The following SMAD2 variants were observed in gnomAD, a reference collection of about 807,000 sequenced individuals.
SMAD2 encodes MAD homolog 2.
Under a neutral mutation model 64.4 loss-of-function variants are expected in SMAD2, and 8 were observed. The observed-to-expected ratio is 0.12, with a 90% CI of 0.07 to 0.22. The LOEUF (loss-of-function observed/expected upper bound fraction) is 0.22, where lower values mean the gene tolerates loss of function less well. SMAD2 is among the 10% of genes least tolerant of loss of function. SMAD2 has a pLI of 1.00. For missense variants in SMAD2, 289 were observed against 561.2 expected (o/e 0.51, Z 4.90); for synonymous variants, 203 against 195.8 (o/e 1.04, Z -0.31).
At chr18:47,876,433 G>A (rs570464613) in intron 2 of SMAD2, among the ~76,000 whole-genome samples, 1 of 151,934 alleles carries the variant, frequency 6.6e-6, no homozygotes, top group Non-Finnish European at 1.5e-5. Flanking sequence ...GTTATCTCAC[G>A]CAAAGTCCCA....
intron 2 of SMAD2, among the ~76,000 whole-genome samples, chr18:47,894,370 G>A (rs756145711): frequency 1.3e-5 from 2 of 152,118 alleles, no homozygotes; most frequent in Non-Finnish European, 2.9e-5. Flanking sequence ...CAGACCCTAC[G>A]GCACTTAAAC....
intron 10 of SMAD2, among the ~76,000 whole-genome samples, chr18:47,843,975 T>C (rs1038723560): frequency 2.0e-5 from 3 of 152,102 alleles, no homozygotes; most frequent in Admixed American, 2.0e-4. Flanking sequence ...CAAAAAAAAG[T>C]CTGACCTGAA....
At position 47,810,674 on chromosome 18, in the gene SMAD2, C is replaced by A. The variant is rs1912171620; in HGVS notation, c.*31153G>T. On this transcript the variant is annotated 3_prime_UTR_variant, in exon 11 of 11. Coordinates refer to ENST00000262160, the MANE Select transcript of SMAD2 (RefSeq NM_005901.6). ...TAAAGCCCAGGCATGGTGGCTCATGCCTGTAATCCCAACACGTTGGGAGGC... is the reference window on the plus strand; with the variant it reads ...TAAAGCCCAGGCATGGTGGCTCATGACTGTAATCCCAACACGTTGGGAGGC... 1 of 152,212 alleles carries A rather than the reference C, an allele frequency of 6.6e-6. No individual in the cohort carries two copies. Among genetic ancestry groups the A allele is most frequent in the Admixed American group, 6.5e-5 (1 of 15,282 alleles). 9.4% of individuals were successfully genotyped at this position (152,212 alleles called of 1,614,324 possible). A position where few individuals can be genotyped will look rare whatever the true frequency, so the allele number is the denominator to read the frequency against.
rs1175807546 is a variant in SMAD2, at chr18:47,816,937, A to AT, written c.*24889dup. On this transcript the variant is annotated 3_prime_UTR_variant, in exon 11 of 11. Coordinates refer to ENST00000262160, the MANE Select transcript of SMAD2 (RefSeq NM_005901.6). The stretch of plus-strand genomic sequence containing the variant: ...CCAATACACCCATCTAATTTTTTGT[A>AT]TTTTTAGTAGAGAGGGGGTTTCACT... 1 of 151,878 alleles carries AT rather than the reference A, an allele frequency of 6.6e-6. No homozygotes were observed. Among genetic ancestry groups the AT allele is most frequent in the Admixed American group, 6.6e-5 (1 of 15,228 alleles). 9.4% of individuals were successfully genotyped at this position (151,878 alleles called of 1,614,324 possible).
chr18:47,912,345 T>C (rs1457882881), intron 1 of SMAD2: 1 of 152,206 alleles, frequency 6.6e-6, no homozygotes, highest in African/African-American at 2.4e-5. Context: ...GGGAAAAGGA[T>C]TGAAACACAA....
chr18:47,886,570 C>T (rs889661818), intron 2 of SMAD2, among the ~76,000 whole-genome samples: 239 of 146,806 alleles, frequency 1.6e-3, no homozygotes, highest in African/African-American at 5.2e-3. Context: ...TATATCTATC[C>T]ATCTATCTAT....
In SMAD2 at chr18:47,841,928, G is replaced by A. The variant is rs1236865589; in HGVS notation, c.1303C>T (p.Pro435Ser). The part of the protein sequence containing the change: ...EYRRQTVTST[P>S]CWIELHLNGP... ...TTCAGATGAAGTTCAATCCAGCAAG[G>A]AGTACTTGTTACCGTCTGCCTTCTG... The change falls in exon 11 of 11, where the codon CCT becomes TCT. Residue 435 changes from proline (P) to serine (S), a missense_variant. Pro to Ser is a moderately conservative substitution (Grantham distance 74, BLOSUM62 -1). Around this residue, in one of 6 missense-constraint regions of SMAD2, gnomAD observed 20 missense variants for 82.8 expected, o/e 0.24. Transcript: ENST00000262160. 6.2e-7 allele frequency: 1 copy of A among 1,614,074 alleles called. No individual in the cohort carries two copies. The highest frequency in any genetic ancestry group is 1.7e-5 in the Admixed American group (1 of 60,028).
chr18:47,845,165 G>T, intron 10 of SMAD2, 175 bp downstream of exon 10: 3 of 693,456 alleles, frequency 4.3e-6, no homozygotes, highest in Non-Finnish European at 7.7e-6. Flanking sequence ...CATAATGGCA[G>T]CTCAGTAATT....
Position 47,841,148 on chromosome 18 carries a change from AAAAAAAAAC to A in SMAD2, c.*670_*678del, listed in dbSNP as rs201278324. 0.13 allele frequency: 28,960 copies of A among 228,738 alleles called. 1,933 individuals carry two copies. Among genetic ancestry groups the A allele is most frequent in the Admixed American group, 0.25 (4,424 of 17,422 alleles). 14.2% of individuals were successfully genotyped at this position (228,738 alleles called of 1,614,324 possible). ...CCTTATAATAAGATTTAGCAGTTAAAAAAAAAAACAAAAAAAAACAAAAAACCACAAAAA... is the reference window on the plus strand; with the variant it reads ...CCTTATAATAAGATTTAGCAGTTAAAAAAAAAAAACAAAAAACCACAAAAA... On this transcript the variant is annotated 3_prime_UTR_variant, in exon 11 of 11. Coordinates refer to ENST00000262160, the MANE Select transcript of SMAD2 (RefSeq NM_005901.6).
At position 47,854,320 on chromosome 18, in the gene SMAD2, G is replaced by A. The variant is rs78241000; in HGVS notation, c.731-2993C>T. Among the ~76,000 whole-genome samples, 1,268 of 152,208 alleles carry A rather than the reference G, an allele frequency of 8.3e-3. 9 individuals carry two copies. Among genetic ancestry groups the A allele is most frequent in the Middle Eastern group, 0.031 (9 of 294 alleles). On this transcript the variant is annotated intron_variant, in intron 6 of 10. Transcript: ENST00000262160. ...TCACATATATTTGTAGGATACATTC[G>A]TCAAACCTTTGACAAATTAACAAAT...
intron 2 of SMAD2, among the ~76,000 whole-genome samples, chr18:47,894,756 T>C (rs1568092645): frequency 6.6e-6 from 1 of 152,176 alleles, no homozygotes; most frequent in African/African-American, 2.4e-5. Context: ...AGGAAGTAAG[T>C]AGTTTAAAAG....
At chr18:47,865,270 C>T in intron 5 of SMAD2, 137 bp from the exon 6 acceptor site, 2 of 604,542 alleles carry the variant, frequency 3.3e-6, no homozygotes, top group Middle Eastern at 4.4e-4. Context: ...AGTAATATTG[C>T]ATACTGAGGG....
intron 2 of SMAD2, among the ~76,000 whole-genome samples, chr18:47,889,437 T>TA (rs999210542): frequency 0.016 from 2,357 of 144,772 alleles, 59 homozygotes; most frequent in African/African-American, 0.055. Context: ...GTAAATACTT[T>TA]AAAAAAAAAA....
At chr18:47,894,129 G>C (rs558783895) in intron 2 of SMAD2, among the ~76,000 whole-genome samples, 1 of 152,270 alleles carries the variant, frequency 6.6e-6, no homozygotes, top group East Asian at 1.9e-4. Context: ...TAGTACTGCT[G>C]TACCTCCCTA....
intron 10 of SMAD2, 164 bp downstream of exon 10, chr18:47,845,176 T>C: frequency 1.2e-5 from 9 of 721,588 alleles, no homozygotes; most frequent in Non-Finnish European, 2.2e-5. Flanking sequence ...CTCAGTAATT[T>C]GCAACAGTTT....
intron 6 of SMAD2, among the ~76,000 whole-genome samples, chr18:47,851,775 G>T (rs1229584241): frequency 6.6e-6 from 1 of 151,972 alleles, no homozygotes; most frequent in Non-Finnish European, 1.5e-5. Context: ...ATAACATCGC[G>T]ATCCCACATT....
Position 47,835,995 on chromosome 18 carries a change from A to G in SMAD2, c.*5832T>C. On this transcript the variant is annotated 3_prime_UTR_variant, in exon 11 of 11. Transcript: ENST00000262160. ...ATCAGTGGCATTATTCTTCCAAGGG[A>G]CTCTTATATCTAAGCAATGGTGAAG... is the stretch of plus-strand genomic sequence containing the variant. The G allele has an allele frequency of 4.7e-6, 1 of 211,452 alleles. No individual in the cohort carries two copies. Among genetic ancestry groups the G allele is most frequent in the East Asian group, 7.1e-5 (1 of 14,082 alleles). The allele number at this position is 211,452 out of a possible 1,614,324, so 13.1% of individuals were successfully genotyped here.
intron 3 of SMAD2, among the ~76,000 whole-genome samples, chr18:47,869,887 G>C (rs1481862916): frequency 2.0e-5 from 3 of 152,108 alleles, no homozygotes; most frequent in Non-Finnish European, 4.4e-5. Flanking sequence ...AACTTCCTCA[G>C]ACTACTGCAA....
chr18:47,923,667 G>C (rs1300247908), intron 1 of SMAD2: 2 of 152,204 alleles, frequency 1.3e-5, no homozygotes, highest in African/African-American at 2.4e-5. Context: ...GAGGAAAACT[G>C]ATCAGGCAGG....
Sources: gnomAD v4.1 joint callset for allele counts (sites outside exome capture counted in the v4.1 genomes callset) on GRCh38, gnomAD v4.1.1 for gene constraint, gnomAD v4.1.1 regional missense constraint, MANE v1.5 for transcripts, NCBI Gene and HGNC (gene_info 2026-07-23, HGNC 2026-07-21) for gene names.